BCL2L13: variants seen among roughly 807,000 people sequenced by gnomAD.
BCL2L13 encodes the protein bcl-2-like protein 13.
BCL2L13 carries 13 observed loss-of-function variants against 25.8 expected under a neutral mutation model. The ratio of observed to expected loss-of-function variants is 0.50; its 90% CI spans 0.33 to 0.80. The LOEUF (loss-of-function observed/expected upper bound fraction) is 0.80. BCL2L13 is among the 30% of genes least tolerant of loss of function. The pLI, the probability that BCL2L13 is intolerant of heterozygous loss-of-function variation, is 0.02. For missense variants in BCL2L13, 504 were observed against 574.9 expected, an observed-to-expected ratio of 0.88 and a Z score of 1.26; for synonymous variants, 244 against 230.3, an observed-to-expected ratio of 1.06 and a Z score of -0.54.
chr22:17,727,594 T>G lies in BCL2L13; in HGVS notation c.*60T>G. ...AGGTTGGAGTTGTATTGGCTGGAAT[T>G]TGAACCTCCAGCAGCTGTCTGGACA... On this transcript the variant is annotated 3_prime_UTR_variant, in exon 7 of 7. Transcript: ENST00000317582. 2 of 1,587,466 alleles carry G rather than the reference T, an allele frequency of 1.3e-6. No homozygotes were observed. The highest frequency in any genetic ancestry group is 2.2e-5 in the East Asian group (1 of 44,498).
At chr22:17,634,903 A>G (rs2058080047), upstream of BCL2L13, among the ~76,000 whole-genome samples, 1 of 151,832 alleles carries the variant, frequency 6.6e-6, no homozygotes, top group African/African-American at 2.4e-5. Flanking sequence ...AGTCATGATC[A>G]CATCACTGTA....
At position 17,698,667 on chromosome 22, in the gene BCL2L13, T is replaced by A. The variant is rs189654539; in HGVS notation, c.456+2457T>A. On this transcript the variant is annotated intron_variant, in intron 5 of 6. Coordinates refer to ENST00000317582, the MANE Select transcript of BCL2L13 (RefSeq NM_015367.4). ...TGGCTTGAGCCTGGGAGGTGGAGGT[T>A]GCAGTGAGCCGAGATCATGCCACTG... Among the ~76,000 whole-genome samples the A allele has an allele frequency of 4.4e-3, 660 of 151,644 alleles. 2 individuals are homozygous for A. The highest frequency in any genetic ancestry group is 0.015 in the African/African-American group (608 of 41,320).
intron 1 of BCL2L13, among the ~76,000 whole-genome samples, chr22:17,642,625 C>T (rs571812759): frequency 3.3e-5 from 5 of 150,040 alleles, no homozygotes; most frequent in Non-Finnish European, 7.4e-5. Flanking sequence ...TGGCATTTCA[C>T]TCTTGTTGCC....
At chr22:17,711,969 C>T (rs1442344657) in intron 6 of BCL2L13, among the ~76,000 whole-genome samples, 2 of 151,186 alleles carry the variant, frequency 1.3e-5, no homozygotes. Context: ...AATTATGTTC[C>T]TTGTCTCCAG....
chr22:17,684,497 T>C, intron 3 of BCL2L13: 1 of 440,236 alleles, frequency 2.3e-6, no homozygotes, highest in Admixed American at 2.4e-5. Context: ...CCCACTGATC[T>C]CCATTCTGTT....
Position 17,638,757 on chromosome 22 carries a change from A to G in BCL2L13, c.-180A>G, listed in dbSNP as rs749972587. The G allele has an allele frequency of 5.4e-5, 67 of 1,231,354 alleles. No individual in the cohort carries two copies. The highest frequency in any genetic ancestry group is 6.1e-5 in the Non-Finnish European group (60 of 987,910). The allele number at this position is 1,231,354 out of a possible 1,614,324, so 76.3% of individuals were successfully genotyped here. ...GACGAAGGCACGCCGGGGTGACCTC[A>G]CCCTCCAACATGGCGGCGGCGGTAG... On this transcript the variant is annotated 5_prime_UTR_variant, in exon 1 of 7. Transcript: ENST00000317582.
At chr22:17,714,255 T>G (rs1601765914) in intron 6 of BCL2L13, among the ~76,000 whole-genome samples, 1 of 151,270 alleles carries the variant, frequency 6.6e-6, no homozygotes, top group Middle Eastern at 3.4e-3. Context: ...ATTGCGCCAC[T>G]GCACTCCAGC....
chr22:17,637,397 A>T (rs543250362), upstream of BCL2L13, among the ~76,000 whole-genome samples: 149 of 138,330 alleles, frequency 1.1e-3, no homozygotes, highest in Non-Finnish European at 1.8e-3. Context: ...ACAGAGTGAG[A>T]CTCTGCCTCA....
In BCL2L13 at chr22:17,638,812, C is replaced by G. The variant is rs1390450853; in HGVS notation, c.-125C>G. ...GGGCCGCGGGTCGGAGCACTCACCG[C>G]CGCTGGGGGACCCTGTCGGAAGCAA... On this transcript the variant is annotated 5_prime_UTR_variant, in exon 1 of 7. Coordinates refer to ENST00000317582, the MANE Select transcript of BCL2L13 (RefSeq NM_015367.4). 1.6e-6 allele frequency: 2 copies of G among 1,231,900 alleles called. No homozygotes were observed. Among genetic ancestry groups the G allele is most frequent in the African/African-American group, 3.1e-5 (2 of 64,432 alleles). The allele number at this position is 1,231,900 out of a possible 1,614,324, so 76.3% of individuals were successfully genotyped here. A position where few individuals can be genotyped will look rare whatever the true frequency, so the allele number is the denominator to read the frequency against.
intron 2 of BCL2L13, among the ~76,000 whole-genome samples, chr22:17,664,825 C>A (rs1449453139): frequency 6.6e-6 from 1 of 152,224 alleles, no homozygotes; most frequent in Non-Finnish European, 1.5e-5. Flanking sequence ...GCCCCTTTAG[C>A]CACGACTGGA....
intron 2 of BCL2L13, among the ~76,000 whole-genome samples, chr22:17,681,839 G>C (rs1315211969): frequency 6.6e-6 from 1 of 152,180 alleles, no homozygotes; most frequent in Non-Finnish European, 1.5e-5. Context: ...GAGCTCTGCT[G>C]TTGGTGCACC....
At chr22:17,686,006 T>C (rs1390224297) in intron 3 of BCL2L13, among the ~76,000 whole-genome samples, 5 of 151,462 alleles carry the variant, frequency 3.3e-5, no homozygotes, top group Admixed American at 3.3e-4. Flanking sequence ...TCTCCTGACC[T>C]CATGACCCGC....
intron 1 of BCL2L13, 98 bp downstream of exon 1, chr22:17,638,984 C>G (rs1425712585): frequency 1.9e-5 from 19 of 988,480 alleles, no homozygotes; most frequent in Non-Finnish European, 2.3e-5. Context: ...CCACCGACTC[C>G]CCAGTGGTTC....
intron 2 of BCL2L13, among the ~76,000 whole-genome samples, chr22:17,667,963 C>CT (rs71201863): frequency 2.6e-3 from 188 of 71,600 alleles, no homozygotes; most frequent in Admixed American, 8.0e-3. Flanking sequence ...TCCAGTTTGT[C>CT]TTTTTTTTTT....
At chr22:17,652,559 C>G (rs2058723159) in intron 1 of BCL2L13, among the ~76,000 whole-genome samples, 2 of 152,074 alleles carry the variant, frequency 1.3e-5, no homozygotes, top group African/African-American at 4.8e-5. Flanking sequence ...CTGTCTCAGC[C>G]TCCCAAGTAG....
chr22:17,671,712 ATC>A (rs2059426039), intron 2 of BCL2L13, among the ~76,000 whole-genome samples: 1 of 151,656 alleles, frequency 6.6e-6, no homozygotes, highest in Non-Finnish European at 1.5e-5. Context: ...TGCCCCAAAC[ATC>A]TGTTTTCTTT....
chr22:17,726,684 T>C lies in BCL2L13; in HGVS notation c.608T>C (p.Val203Ala). ...CTTGTCCTTCGTTTCTAGGGCACTG[T>C]GTTTAGTCTTGAGTCAGAGGAGGAG... ...YIIQQGGWGTVFSLESEEEEY... is the reference protein window; with the variant it reads ...YIIQQGGWGTAFSLESEEEEY... Residue 203 changes from valine (V) to alanine (A), a missense_variant, in exon 7 of 7, where the codon GTG becomes GCG. Coordinates refer to ENST00000317582, the MANE Select transcript of BCL2L13 (RefSeq NM_015367.4). 1.2e-6 allele frequency: 2 copies of C among 1,611,446 alleles called. No homozygotes were observed. Among genetic ancestry groups the C allele is most frequent in the South Asian group, 1.1e-5 (1 of 91,048 alleles).
At chr22:17,631,662 G>A (rs1460427270) in intron 1 of BCL2L13, among the ~76,000 whole-genome samples, 14 of 32,136 alleles carry the variant, frequency 4.4e-4, no homozygotes, top group African/African-American at 1.8e-3. Context: ...GTATGTATGT[G>A]TGTGTGTGTA....
At chr22:17,631,124 C>T (rs1285303315) in intron 1 of BCL2L13, among the ~76,000 whole-genome samples, 3 of 147,856 alleles carry the variant, frequency 2.0e-5, no homozygotes, top group Non-Finnish European at 3.0e-5. Flanking sequence ...TTTTTTGAGA[C>T]AGAAGAGTGT....
Sources: gnomAD v4.1 joint callset for allele counts (sites outside exome capture counted in the v4.1 genomes callset) on GRCh38, gnomAD v4.1.1 for gene constraint, MANE v1.5 for transcripts, NCBI Gene and HGNC (gene_info 2026-07-23, HGNC 2026-07-21) for gene names.